The following ENPEP variants were observed in gnomAD, a reference collection of about 807,000 sequenced individuals.
ENPEP encodes glutamyl aminopeptidase.
Under a neutral mutation model 114.5 loss-of-function variants are expected in ENPEP, and 103 were observed. The observed-to-expected ratio is 0.90, with a 90% CI of 0.77 to 1.06. ENPEP has a LOEUF of 1.06. Ranked by LOEUF, ENPEP falls within the 50% of genes least tolerant of loss-of-function variation. The pLI is 0.00. For missense variants in ENPEP, 1,196 were observed against 1,161.3 expected (o/e 1.03, Z -0.43); for synonymous variants, 420 against 422.0 (o/e 1.00, Z 0.06).
In ENPEP at chr4:110,535,910, C is replaced by G. The variant is rs142255529; in HGVS notation, c.1807+4633C>G. Among the ~76,000 whole-genome samples, 218 of 152,182 alleles carry G rather than the reference C, an allele frequency of 1.4e-3. 2 individuals carry two copies. Among genetic ancestry groups the G allele is most frequent in the African/African-American group, 5.1e-3 (210 of 41,516 alleles). On this transcript the variant is annotated intron_variant, in intron 11 of 19. Coordinates refer to ENST00000265162, the MANE Select transcript of ENPEP (RefSeq NM_001977.4). ...AAAAAAGATTACAACTGGCTGAAGG[C>G]TCAGATGATTGTTAGCATTTTTAGT... is the stretch of plus-strand genomic sequence containing the variant.
At chr4:110,539,116 A>T (rs761484742) in intron 11 of ENPEP, among the ~76,000 whole-genome samples, 2 of 152,246 alleles carry the variant, frequency 1.3e-5, no homozygotes, top group African/African-American at 2.4e-5. Context: ...TAACCTAGAG[A>T]CATGAAGTGA....
At chr4:110,558,982 A>G (rs2110404197) in intron 18 of ENPEP, 1 of 152,340 alleles carries the variant, frequency 6.6e-6, no homozygotes, top group Admixed American at 6.5e-5. Flanking sequence ...AGGAAGATGC[A>G]TAGAGTATTA....
chr4:110,525,630 A>G (rs1726167187), intron 10 of ENPEP, among the ~76,000 whole-genome samples: 1 of 151,162 alleles, frequency 6.6e-6, no homozygotes, highest in Non-Finnish European at 1.5e-5. Flanking sequence ...TGTAGCAATT[A>G]GAATAACACA....
At position 110,483,774 on chromosome 4, in the gene ENPEP, C is replaced by T. The variant is rs558877073; in HGVS notation, c.645-4767C>T. Among the ~76,000 whole-genome samples, 13 of 152,328 alleles carry T rather than the reference C, an allele frequency of 8.5e-5. 1 individual carries two copies. The South Asian group carries it at 2.7e-3, about 32-fold the overall frequency. ...CTCCTGAACATATTGTGCTATTAGTCAGCCTTTTTCTCTTAATTTGCAAGA... is the reference window on the plus strand; with the variant it reads ...CTCCTGAACATATTGTGCTATTAGTTAGCCTTTTTCTCTTAATTTGCAAGA... On this transcript the variant is annotated intron_variant, in intron 1 of 19. Transcript: ENST00000265162.
chr4:110,527,480 G>C (rs896459058), intron 10 of ENPEP, among the ~76,000 whole-genome samples: 1 of 152,148 alleles, frequency 6.6e-6, no homozygotes, highest in Non-Finnish European at 1.5e-5. Context: ...CTGCAGGTAA[G>C]TGTACTCCTT....
At chr4:110,557,615 G>A (rs916661960) in intron 18 of ENPEP, among the ~76,000 whole-genome samples, 1 of 152,194 alleles carries the variant, frequency 6.6e-6, no homozygotes, top group Admixed American at 6.5e-5. Context: ...CCTGTAAAGG[G>A]ACAGTTCCAG....
At chr4:110,531,763 A>G (rs1314160213) in intron 11 of ENPEP, among the ~76,000 whole-genome samples, 1 of 152,142 alleles carries the variant, frequency 6.6e-6, no homozygotes, top group Non-Finnish European at 1.5e-5. Context: ...AAACAAGTAA[A>G]CCTTCTCACG....
At chr4:110,540,865 A>G (rs988741225) in intron 11 of ENPEP, among the ~76,000 whole-genome samples, 1 of 152,270 alleles carries the variant, frequency 6.6e-6, no homozygotes, top group Non-Finnish European at 1.5e-5. Context: ...AATCTTCACA[A>G]CAGCCCTGTG....
At chr4:110,548,754 C>T (rs1727173746) in intron 14 of ENPEP, among the ~76,000 whole-genome samples, 1 of 151,948 alleles carries the variant, frequency 6.6e-6, no homozygotes, top group Non-Finnish European at 1.5e-5. Context: ...TGTAGTCATT[C>T]TAAATACCGT....
chr4:110,543,246 T>G (rs1726921396), intron 13 of ENPEP, among the ~76,000 whole-genome samples, 176 bp downstream of exon 13: 1 of 152,150 alleles, frequency 6.6e-6, no homozygotes, highest in African/African-American at 2.4e-5. Flanking sequence ...ATGAGCCTAA[T>G]AGTCAAAATA....
At chr4:110,537,463 T>A (rs923882028) in intron 11 of ENPEP, among the ~76,000 whole-genome samples, 1 of 152,232 alleles carries the variant, frequency 6.6e-6, no homozygotes, top group South Asian at 2.1e-4. Flanking sequence ...TATCATGAGA[T>A]AGCAACAATT....
chr4:110,511,604 G>C (rs1393689797), intron 6 of ENPEP, among the ~76,000 whole-genome samples: 2 of 152,088 alleles, frequency 1.3e-5, no homozygotes, highest in Non-Finnish European at 2.9e-5. Context: ...ACTGTTATAA[G>C]AAATTATAAC....
At position 110,476,785 on chromosome 4, in the gene ENPEP, A is replaced by G. The variant is rs765897622; in HGVS notation, c.371A>G (p.Asn124Ser). 4 of 1,614,122 alleles carry G rather than the reference A, an allele frequency of 2.5e-6. No individual in the cohort carries two copies. Among genetic ancestry groups the G allele is most frequent in the East Asian group, 2.2e-5 (1 of 44,858 alleles). The stretch of plus-strand genomic sequence containing the variant: ...ACGGGCACCGTGAGCATCTCCATCA[A>G]CCTGAGCGCTCCCACCCGGTACCTG... ...TYTGTVSISI[N>S]LSAPTRYLWL... The change falls in exon 1 of 20, where the codon AAC becomes AGC. Residue 124 changes from asparagine to serine, a missense_variant. Transcript: ENST00000265162.
chr4:110,510,893 A>G (rs957062161), intron 6 of ENPEP, among the ~76,000 whole-genome samples: 1 of 152,204 alleles, frequency 6.6e-6, no homozygotes, highest in Non-Finnish European at 1.5e-5. Flanking sequence ...CTCCTTTATG[A>G]AATAGAACAT....
intron 3 of ENPEP, among the ~76,000 whole-genome samples, chr4:110,500,499 G>A (rs185181324): frequency 6.6e-6 from 1 of 152,090 alleles, no homozygotes; most frequent in African/African-American, 2.4e-5. Context: ...GTAAATATAT[G>A]CATGAAAGTT....
Position 110,531,231 on chromosome 4 carries a change from AGAT to A in ENPEP, c.1762_1764del (p.Asp588del). On this transcript the variant is annotated inframe_deletion, in exon 11 of 20. Coordinates refer to ENST00000265162, the MANE Select transcript of ENPEP (RefSeq NM_001977.4). ...GGAATATCCCAGTTAAATGGACTGA[AGAT>A]AATATAACAAGCAGTGTGTTATTTA... The A allele has an allele frequency of 1.4e-6, 2 of 1,468,700 alleles. No individual in the cohort carries two copies. The highest frequency in any genetic ancestry group is 1.8e-6 in the Non-Finnish European group (2 of 1,093,642). 91.0% of individuals were successfully genotyped at this position (1,468,700 alleles called of 1,614,324 possible). A position where few individuals can be genotyped will look rare whatever the true frequency, so the allele number is the denominator to read the frequency against.
intron 3 of ENPEP, among the ~76,000 whole-genome samples, chr4:110,498,541 C>T (rs991164338): frequency 6.6e-6 from 1 of 152,134 alleles, no homozygotes; most frequent in Non-Finnish European, 1.5e-5. Context: ...AACAGATTTA[C>T]ATTCCAGGGA....
intron 2 of ENPEP, 78 bp from the exon 3 acceptor site, chr4:110,490,955 G>A: frequency 1.4e-6 from 2 of 1,459,062 alleles, no homozygotes; most frequent in East Asian, 2.4e-5. Context: ...AAGGTTTGGG[G>A]CAACCGTTTA....
At chr4:110,520,397 C>T (rs760636575) in intron 10 of ENPEP, 31 bp downstream of exon 10, 1 of 1,608,234 alleles carries the variant, frequency 6.2e-7, no homozygotes, top group South Asian at 1.1e-5. Flanking sequence ...GAAAAAAACA[C>T]AGAAATTTGG....
Sources: gnomAD v4.1 joint callset for allele counts (sites outside exome capture counted in the v4.1 genomes callset) on GRCh38, gnomAD v4.1.1 for gene constraint, MANE v1.5 for transcripts, NCBI Gene and HGNC (gene_info 2026-07-23, HGNC 2026-07-21) for gene names.